Variants in SYT17 observed in about 807,000 individuals in gnomAD.
SYT17 encodes the protein synaptotagmin-17.
In SYT17, 22 loss-of-function variants were observed where a neutral mutation model predicts 46.7. That is an observed-to-expected ratio of 0.47 (90% CI 0.34 to 0.67). The LOEUF is 0.67. Among genes scored for constraint, SYT17 ranks in the 30% least tolerant of loss-of-function variants. The pLI, the probability that SYT17 is intolerant of heterozygous loss-of-function variation, is 0.01. For synonymous variants in SYT17, 251 were observed against 248.4 expected (o/e 1.01, Z -0.10); for missense variants, 519 against 612.8 (o/e 0.85, Z 1.62).
At chr16:19,238,270 A>G (rs1966875923) in intron 7 of SYT17, among the ~76,000 whole-genome samples, 1 of 151,930 alleles carries the variant, frequency 6.6e-6, no homozygotes, top group South Asian at 2.1e-4. Flanking sequence ...CCCAGCTCAC[A>G]GGCTATTGTG....
intron 7 of SYT17, among the ~76,000 whole-genome samples, chr16:19,254,917 C>G (rs1306331588): frequency 6.6e-6 from 1 of 152,180 alleles, no homozygotes; most frequent in East Asian, 1.9e-4. Context: ...CACACTGAGG[C>G]ATAAAGAAAG....
intron 7 of SYT17, among the ~76,000 whole-genome samples, chr16:19,254,175 G>A (rs1420814908): frequency 6.6e-6 from 1 of 152,184 alleles, no homozygotes; most frequent in African/African-American, 2.4e-5. Context: ...TCTGGGACCT[G>A]CCTGCCCACC....
chr16:19,253,407 T>A (rs552162290), intron 7 of SYT17, among the ~76,000 whole-genome samples: 16 of 152,134 alleles, frequency 1.1e-4, no homozygotes, highest in South Asian at 6.2e-4. Context: ...AAAAATTTTT[T>A]AAAATAGTTT....
intron 5 of SYT17, among the ~76,000 whole-genome samples, chr16:19,204,630 A>C (rs1483112583): frequency 6.6e-6 from 1 of 152,104 alleles, no homozygotes. Flanking sequence ...GAGTGATCTC[A>C]TCTGATGCCG....
At chr16:19,265,911 C>T (rs1316637997) in intron 7 of SYT17, among the ~76,000 whole-genome samples, 1 of 152,194 alleles carries the variant, frequency 6.6e-6, no homozygotes, top group African/African-American at 2.4e-5. Flanking sequence ...CCATTACTCT[C>T]AGAAAATTTC....
At chr16:19,222,232 C>T (rs192502284) in intron 5 of SYT17, among the ~76,000 whole-genome samples, 183 of 152,026 alleles carry the variant, frequency 1.2e-3, no homozygotes, top group African/African-American at 4.1e-3. Context: ...AATTTTGTGA[C>T]GGATAGATGG....
At chr16:19,240,970 C>T (rs1243923055) in intron 7 of SYT17, among the ~76,000 whole-genome samples, 3 of 121,020 alleles carry the variant, frequency 2.5e-5, no homozygotes, top group African/African-American at 6.4e-5. Flanking sequence ...TTTTTTGAGA[C>T]GGAGTCTCGC....
intron 1 of SYT17, chr16:19,172,045 C>G (rs568230463): frequency 2.6e-5 from 4 of 153,614 alleles, no homozygotes; most frequent in African/African-American, 9.7e-5. Flanking sequence ...GGGACATGCC[C>G]GAGGTTGGGA....
Position 19,168,248 on chromosome 16 carries a change from G to A in SYT17, c.-399G>A, listed in dbSNP as rs1963941632. The A allele has an allele frequency of 5.1e-6, 1 of 195,484 alleles. No homozygotes were observed. 12.1% of individuals were successfully genotyped at this position (195,484 alleles called of 1,614,324 possible). A position where few individuals can be genotyped will look rare whatever the true frequency, so the allele number is the denominator to read the frequency against. On this transcript the variant is annotated 5_prime_UTR_variant, in exon 1 of 8. Coordinates refer to ENST00000355377, the MANE Select transcript of SYT17 (RefSeq NM_016524.4). The surrounding 1 kb of genome is among the most constrained non-coding windows in gnomAD (Gnocchi z 6.9). ...CCTCCCCCGCCTCCTGCGCGCTCCG[G>A]CCCCGGCGTCTCCGGCCCCGCCTGC... is the stretch of plus-strand genomic sequence containing the variant.
intron 2 of SYT17, 170 bp from the exon 3 acceptor site, chr16:19,173,260 A>C: frequency 1.8e-6 from 1 of 552,580 alleles, no homozygotes; most frequent in Non-Finnish European, 3.1e-6. Context: ...TAGAAATGGA[A>C]AACATTTTGT....
chr16:19,250,168 A>G lies in SYT17; in HGVS notation c.1229-16712A>G, dbSNP rs1224668492. On this transcript the variant is annotated intron_variant, in intron 7 of 7. Coordinates refer to ENST00000355377, the MANE Select transcript of SYT17 (RefSeq NM_016524.4). ...TTTAACATATTGAAAGAATTGTCCC[A>G]TGAACACCCATATTTCTACCCATCA... 4.7e-6 allele frequency: 6 copies of G among 1,271,506 alleles called. No homozygotes were observed. In the South Asian group the frequency reaches 8.6e-5, roughly 18 times the overall value. The allele number at this position is 1,271,506 out of a possible 1,614,324, so 78.8% of individuals were successfully genotyped here. A position where few individuals can be genotyped will look rare whatever the true frequency, so the allele number is the denominator to read the frequency against.
At chr16:19,264,147 A>AGTG (rs563116991) in intron 7 of SYT17, among the ~76,000 whole-genome samples, 47 of 152,334 alleles carry the variant, frequency 3.1e-4, no homozygotes, top group African/African-American at 1.0e-3. Context: ...CGAATTTGCC[A>AGTG]GTGGCTTGAT....
chr16:19,216,484 C>A (rs1966100433), intron 5 of SYT17, among the ~76,000 whole-genome samples: 1 of 151,710 alleles, frequency 6.6e-6, no homozygotes, highest in South Asian at 2.1e-4. Flanking sequence ...CTGCACCCAT[C>A]AACCTGTCAT....
intron 5 of SYT17, among the ~76,000 whole-genome samples, chr16:19,209,119 T>G (rs1172087351): frequency 6.6e-6 from 1 of 151,964 alleles, no homozygotes; most frequent in Non-Finnish European, 1.5e-5. Context: ...TCTGCCTGCC[T>G]CAGCCTCTTA....
chr16:19,217,390 C>T (rs1467873107), intron 5 of SYT17, among the ~76,000 whole-genome samples: 4 of 152,116 alleles, frequency 2.6e-5, no homozygotes, highest in Non-Finnish European at 5.9e-5. Flanking sequence ...CCCCACCTCC[C>T]AGATCCTAGC....
At chr16:19,170,019 G>T (rs1287251755) in intron 1 of SYT17, 1 of 152,222 alleles carries the variant, frequency 6.6e-6, no homozygotes, top group Non-Finnish European at 1.5e-5. Flanking sequence ...CTCAAGAGGG[G>T]ACTGTGGTAG....
In SYT17 at chr16:19,267,097, T is replaced by C; in HGVS notation, c.*21T>C. The C allele has an allele frequency of 6.8e-7, 1 of 1,465,822 alleles. No homozygotes were observed. Among genetic ancestry groups the C allele is most frequent in the Non-Finnish European group, 9.0e-7 (1 of 1,117,032 alleles). The allele number at this position is 1,465,822 out of a possible 1,614,324, so 90.8% of individuals were successfully genotyped here. On this transcript the variant is annotated 3_prime_UTR_variant, in exon 8 of 8. Transcript: ENST00000355377. ...CCTGAGGGCTGCAGGGAAGGCAGCT[T>C]TCATTTGTTTAAAAAAAAAAAAAAA... is the stretch of plus-strand genomic sequence containing the variant.
At chr16:19,245,850 G>T (rs575927435) in intron 7 of SYT17, among the ~76,000 whole-genome samples, 5 of 152,226 alleles carry the variant, frequency 3.3e-5, no homozygotes, top group African/African-American at 1.2e-4. Flanking sequence ...ACGTGAAGGG[G>T]TTACATGGGA....
At chr16:19,231,288 ATGCT>A (rs1281654990) in intron 7 of SYT17, among the ~76,000 whole-genome samples, 1 of 152,090 alleles carries the variant, frequency 6.6e-6, no homozygotes, top group African/African-American at 2.4e-5. Flanking sequence ...AACCCTCTGT[ATGCT>A]GGGCACAGTG....
Sources: gnomAD v4.1 joint callset for allele counts (sites outside exome capture counted in the v4.1 genomes callset) on GRCh38, gnomAD v4.1.1 for gene constraint, Gnocchi (gnomAD v3.1) non-coding constraint, MANE v1.5 for transcripts, NCBI Gene and HGNC (gene_info 2026-07-23, HGNC 2026-07-21) for gene names.